Variants in KCNIP4 observed in about 807,000 individuals in gnomAD.
KCNIP4 encodes the protein Kv channel-interacting protein 4.
KCNIP4 carries 12 observed loss-of-function variants against 34.0 expected under a neutral mutation model. The observed-to-expected ratio is 0.35, with a 90% CI of 0.23 to 0.57. The LOEUF (loss-of-function observed/expected upper bound fraction) is 0.57, where lower values mean the gene tolerates loss of function less well. Among genes scored for constraint, KCNIP4 ranks in the 20% least tolerant of loss-of-function variants. The pLI, the probability that KCNIP4 is intolerant of heterozygous loss-of-function variation, is 0.83. For missense variants in KCNIP4, 238 were observed against 311.7 expected (o/e 0.76, Z 1.78); for synonymous variants, 124 against 102.2 (o/e 1.21, Z -1.29).
chr4:21,302,543 C>T (rs887054373), intron 1 of KCNIP4, among the ~76,000 whole-genome samples: 2 of 152,204 alleles, frequency 1.3e-5, no homozygotes, highest in Admixed American at 6.5e-5. Context: ...GAGTGTACAA[C>T]ATGAAGTCAG....
intron 1 of KCNIP4, among the ~76,000 whole-genome samples, chr4:21,273,059 C>T (rs919322715): frequency 2.9e-4 from 44 of 152,112 alleles, no homozygotes; most frequent in Non-Finnish European, 8.8e-5. Context: ...TCTTAAGGTA[C>T]TGCTTTGTTG....
At chr4:21,278,933 T>C (rs1376834507) in intron 1 of KCNIP4, among the ~76,000 whole-genome samples, 2 of 152,214 alleles carry the variant, frequency 1.3e-5, no homozygotes, top group Admixed American at 1.3e-4. Flanking sequence ...ACTGTAATAA[T>C]GCAAGCCCTT....
At chr4:21,025,596 C>T (rs1168208228) in intron 1 of KCNIP4, among the ~76,000 whole-genome samples, 13 of 120,098 alleles carry the variant, frequency 1.1e-4, no homozygotes, top group African/African-American at 4.2e-4. Context: ...CTCTGTTGCC[C>T]AGGCTAGAGT....
intron 2 of KCNIP4, among the ~76,000 whole-genome samples, chr4:20,871,905 G>A: frequency 6.6e-6 from 1 of 152,108 alleles, no homozygotes; most frequent in East Asian, 1.9e-4. Context: ...AGTGAAAAGA[G>A]TTGGAAGTGA....
intron 1 of KCNIP4, among the ~76,000 whole-genome samples, chr4:21,191,582 T>G (rs996812993): frequency 2.6e-5 from 4 of 152,140 alleles, no homozygotes; most frequent in Non-Finnish European, 5.9e-5. Context: ...AGCAAGGCAA[T>G]GAGGAGCTGA....
intron 1 of KCNIP4, among the ~76,000 whole-genome samples, chr4:21,001,036 A>G (rs1289340892): frequency 6.6e-6 from 1 of 152,212 alleles, no homozygotes; most frequent in Non-Finnish European, 1.5e-5. Context: ...GGCTCTAAAC[A>G]CTATTAGGCA....
At chr4:21,328,028 T>G (rs1715266306) in intron 1 of KCNIP4, among the ~76,000 whole-genome samples, 1 of 152,162 alleles carries the variant, frequency 6.6e-6, no homozygotes, top group Non-Finnish European at 1.5e-5. Context: ...AAAAGACACA[T>G]AACTCTCTCT....
Position 21,714,786 on chromosome 4 carries a change from A to ACTG in KCNIP4, c.61+233784_61+233785insCAG, listed in dbSNP as rs778595133. On this transcript the variant is annotated intron_variant, in intron 1 of 8. Transcript: ENST00000382152. ...AGAATGTGTTAGTAATTTCCCTTTG[A>ACTG]TTATTTTATTTTATTTTATTTTATT... Among the ~76,000 whole-genome samples the ACTG allele has an allele frequency of 8.6e-5, 4 of 46,250 alleles. 1 individual carries two copies. Among genetic ancestry groups the ACTG allele is most frequent in the African/African-American group, 5.3e-4 (4 of 7,484 alleles). 30.3% of individuals were successfully genotyped at this position (46,250 alleles called of 152,430 possible).
intron 1 of KCNIP4, among the ~76,000 whole-genome samples, chr4:21,298,209 C>G (rs935358939): frequency 6.6e-6 from 1 of 152,138 alleles, no homozygotes; most frequent in African/African-American, 2.4e-5. Flanking sequence ...CCCTTGTACT[C>G]TGTTCTCAAT....
rs766242802 is a variant in KCNIP4 at position 20,758,803 on chromosome 4, G to A, written c.358+18C>T. ...TGTAACTCTGATAGTATGTTAACAA[G>A]TCCACATTTGTACTTACCTCCCTGT... is the stretch of plus-strand genomic sequence containing the variant. On this transcript the variant is annotated intron_variant, in intron 4 of 8. Coordinates refer to ENST00000382152, the MANE Select transcript of KCNIP4 (RefSeq NM_025221.6). 1.6e-5 allele frequency: 26 copies of A among 1,592,894 alleles called. No homozygotes were observed. Among genetic ancestry groups the A allele is most frequent in the South Asian group, 2.2e-5 (2 of 90,162 alleles).
intron 1 of KCNIP4, among the ~76,000 whole-genome samples, chr4:21,919,499 T>C (rs1728823269): frequency 6.6e-6 from 1 of 152,196 alleles, no homozygotes; most frequent in African/African-American, 2.4e-5. Flanking sequence ...GGATGAACCA[T>C]ACCATTCAGC....
At chr4:21,429,802 A>G (rs1262871973) in intron 1 of KCNIP4, among the ~76,000 whole-genome samples, 1 of 152,110 alleles carries the variant, frequency 6.6e-6, no homozygotes, top group African/African-American at 2.4e-5. Context: ...TATTTTTAAA[A>G]CCCGTATCTT....
intron 1 of KCNIP4, among the ~76,000 whole-genome samples, chr4:20,969,493 C>T (rs1734707720): frequency 6.6e-6 from 1 of 152,106 alleles, no homozygotes; most frequent in Admixed American, 6.6e-5. Flanking sequence ...TTACTCCTCA[C>T]ATTACAGTGG....
chr4:21,926,574 T>C (rs1273178202), intron 1 of KCNIP4, among the ~76,000 whole-genome samples: 3 of 152,168 alleles, frequency 2.0e-5, no homozygotes, highest in African/African-American at 7.2e-5. Flanking sequence ...TTGCCAGTCC[T>C]AAATTTCTCC....
At chr4:21,555,039 C>A (rs754244403) in intron 1 of KCNIP4, among the ~76,000 whole-genome samples, 4 of 152,088 alleles carry the variant, frequency 2.6e-5, no homozygotes, top group Non-Finnish European at 5.9e-5. Context: ...ACATTAGCAT[C>A]AGGACACAAT....
intron 1 of KCNIP4, among the ~76,000 whole-genome samples, chr4:20,893,587 T>A (rs760153572): frequency 1.3e-5 from 2 of 149,274 alleles, no homozygotes; most frequent in Non-Finnish European, 3.0e-5. Context: ...CATGCCCCAG[T>A]ATTTTTTTTT....
At chr4:21,319,754 C>T (rs1024979213) in intron 1 of KCNIP4, among the ~76,000 whole-genome samples, 28 of 152,268 alleles carry the variant, frequency 1.8e-4, no homozygotes, top group African/African-American at 6.7e-4. Context: ...AAAACTTTTC[C>T]ACAACAATCA....
At chr4:20,790,149 T>C (rs893644695) in intron 3 of KCNIP4, among the ~76,000 whole-genome samples, 3 of 152,098 alleles carry the variant, frequency 2.0e-5, no homozygotes, top group African/African-American at 4.8e-5. Context: ...CTGAACACTA[T>C]AGGTAGTTGT....
chr4:20,934,369 A>G (rs943343931), intron 1 of KCNIP4, among the ~76,000 whole-genome samples: 2 of 152,148 alleles, frequency 1.3e-5, no homozygotes, highest in Non-Finnish European at 2.9e-5. Flanking sequence ...TTCTATATCT[A>G]TTATCAATTT....
Sources: allele counts gnomAD v4.1 joint callset (sites outside exome capture counted in the v4.1 genomes callset), GRCh38; gene constraint gnomAD v4.1.1; transcripts MANE v1.5; gene names NCBI Gene and HGNC (gene_info 2026-07-23, HGNC 2026-07-21).